NRCAM: variants seen among roughly 807,000 people sequenced by gnomAD.
NRCAM encodes the protein neuronal cell adhesion molecule, also known as NgCAM-related cell adhesion molecule.
A neutral mutation model predicts 156.5 loss-of-function variants in NRCAM; 83 were observed. The ratio of observed to expected loss-of-function variants is 0.53; its 90% CI spans 0.44 to 0.64. NRCAM has a LOEUF of 0.64. Ranked by LOEUF, NRCAM falls within the 30% of genes least tolerant of loss-of-function variation. The probability of loss-of-function intolerance (pLI) is 0.00; values close to 1 mark genes in which losing one functional copy is unlikely to be tolerated. For synonymous variants in NRCAM, 538 were observed against 563.9 expected, an observed-to-expected ratio of 0.95 and a Z score of 0.65; for missense variants, 1,417 against 1,597.3, an observed-to-expected ratio of 0.89 and a Z score of 1.92.
intron 1 of NRCAM, among the ~76,000 whole-genome samples, chr7:108,440,968 G>A (rs751878871): frequency 6.6e-6 from 1 of 152,124 alleles, no homozygotes; most frequent in South Asian, 2.1e-4. Context: ...CTTCAGGTGC[G>A]ATCTGGACAC....
chr7:108,348,068 C>T (rs150317075), intron 2 of NRCAM, among the ~76,000 whole-genome samples: 148 of 152,274 alleles, frequency 9.7e-4, no homozygotes, highest in Non-Finnish European at 1.5e-3. Context: ...GCCCCAAATA[C>T]GCAGGTAAGA....
intron 2 of NRCAM, among the ~76,000 whole-genome samples, chr7:108,312,953 C>T (rs2098823343): frequency 6.6e-6 from 1 of 152,090 alleles, no homozygotes; most frequent in Admixed American, 6.6e-5. Context: ...GGTGGACATC[C>T]CATTAAAGGA....
At chr7:108,358,705 C>G (rs1331755410) in intron 2 of NRCAM, among the ~76,000 whole-genome samples, 1 of 152,150 alleles carries the variant, frequency 6.6e-6, no homozygotes, top group African/African-American at 2.4e-5. Context: ...GCCCTGAACA[C>G]TGTAAGTCAC....
At position 108,273,312 on chromosome 7, in the gene NRCAM, G is replaced by C. The variant is rs144082985; in HGVS notation, c.-106-33142C>G. Among the ~76,000 whole-genome samples, 1,465 of 152,250 alleles carry C rather than the reference G, an allele frequency of 9.6e-3. 26 individuals are homozygous for C. Among genetic ancestry groups the C allele is most frequent in the African/African-American group, 0.033 (1,374 of 41,538 alleles). On this transcript the variant is annotated intron_variant, in intron 3 of 32. Coordinates refer to ENST00000379028, the MANE Select transcript of NRCAM (RefSeq NM_001037132.4). ...GGTATTTCTAGTTCTAGATCCTTGA[G>C]GAATCGCCACACTGTCTTCCACAAT... is the stretch of plus-strand genomic sequence containing the variant.
At chr7:108,407,773 T>G (rs1038892367) in intron 1 of NRCAM, among the ~76,000 whole-genome samples, 1 of 152,234 alleles carries the variant, frequency 6.6e-6, no homozygotes, top group African/African-American at 2.4e-5. Context: ...ATGTTTACTA[T>G]CTTGATTGTG....
chr7:108,171,495 G>A (rs2058407396), intron 28 of NRCAM, among the ~76,000 whole-genome samples: 2 of 152,184 alleles, frequency 1.3e-5, no homozygotes, highest in South Asian at 2.1e-4. Flanking sequence ...CAAACGCCAT[G>A]TGCTTATGAC....
At chr7:108,219,088 C>T (rs2091052907) in intron 11 of NRCAM, among the ~76,000 whole-genome samples, 1 of 152,118 alleles carries the variant, frequency 6.6e-6, no homozygotes, top group Non-Finnish European at 1.5e-5. Flanking sequence ...CACCCTTACA[C>T]ACATAAACTA....
chr7:108,387,727 C>T (rs1300929138), intron 2 of NRCAM, among the ~76,000 whole-genome samples: 1 of 141,452 alleles, frequency 7.1e-6, no homozygotes, highest in Non-Finnish European at 1.5e-5. Flanking sequence ...CCCCACCCCA[C>T]AACAGGGTGT....
chr7:108,338,706 T>A (rs1431123687), intron 2 of NRCAM, among the ~76,000 whole-genome samples: 2 of 151,500 alleles, frequency 1.3e-5, no homozygotes, highest in African/African-American at 2.4e-5. Context: ...AAAGAAATAG[T>A]AGAAAAAAAA....
chr7:108,420,998 A>G (rs911790004), intron 1 of NRCAM, among the ~76,000 whole-genome samples: 1 of 152,192 alleles, frequency 6.6e-6, no homozygotes. Context: ...AGGTTAATAA[A>G]AACCACAACT....
At position 108,155,143 on chromosome 7, in the gene NRCAM, CAT is replaced by C. The variant is rs200736358; in HGVS notation, c.3677+4318_3677+4319del. Among the ~76,000 whole-genome samples, 571 of 104,864 alleles carry C rather than the reference CAT, an allele frequency of 5.4e-3. 5 individuals carry two copies. Among genetic ancestry groups the C allele is most frequent in the African/African-American group, 0.017 (375 of 21,648 alleles). 68.8% of individuals were successfully genotyped at this position (104,864 alleles called of 152,430 possible). On this transcript the variant is annotated intron_variant, in intron 32 of 32. Coordinates refer to ENST00000379028, the MANE Select transcript of NRCAM (RefSeq NM_001037132.4). The stretch of plus-strand genomic sequence containing the variant: ...ACACACACACACACACACACACACA[CAT>C]ATAGCAGACCTTGATTTTAATCAAG...
At chr7:108,159,398 G>C in intron 32 of NRCAM, 65 bp downstream of exon 32, 1 of 1,393,700 alleles carries the variant, frequency 7.2e-7, no homozygotes, top group South Asian at 1.2e-5. Context: ...TTCTGGCTGA[G>C]TTCTATTCTC....
chr7:108,244,399 A>G (rs2095764245), intron 3 of NRCAM, among the ~76,000 whole-genome samples: 1 of 152,102 alleles, frequency 6.6e-6, no homozygotes, highest in African/African-American at 2.4e-5. Flanking sequence ...TGTGAAAGAC[A>G]TTTTTCAGCA....
At chr7:108,357,867 A>AG (rs1245094370) in intron 2 of NRCAM, among the ~76,000 whole-genome samples, 6 of 152,048 alleles carry the variant, frequency 3.9e-5, no homozygotes, top group Non-Finnish European at 8.8e-5. Flanking sequence ...CTATTTGGAG[A>AG]GGGAAAGAAT....
At chr7:108,378,676 C>CAG (rs1384055413) in intron 2 of NRCAM, among the ~76,000 whole-genome samples, 3,226 of 132,572 alleles carry the variant, frequency 0.024, 175 homozygotes, top group African/African-American at 0.082. Flanking sequence ...CACACACACA[C>CAG]ACACACACAC....
intron 3 of NRCAM, among the ~76,000 whole-genome samples, chr7:108,253,909 T>A (rs1483707006): frequency 6.6e-6 from 1 of 152,096 alleles, no homozygotes; most frequent in Non-Finnish European, 1.5e-5. Context: ...ATGACAACAA[T>A]ATACTCAGCC....
At chr7:108,453,994 C>G (rs893861446) in intron 1 of NRCAM, among the ~76,000 whole-genome samples, 1 of 152,048 alleles carries the variant, frequency 6.6e-6, no homozygotes, top group Non-Finnish European at 1.5e-5. Flanking sequence ...GGCTGGGGAC[C>G]TTTTCTTTAA....
At chr7:108,268,636 T>TGGGGGGGGGGGGGGGGG (rs1300340254) in intron 3 of NRCAM, among the ~76,000 whole-genome samples, 1 of 8,492 alleles carries the variant, frequency 1.2e-4, no homozygotes, top group Admixed American at 1.4e-3. Context: ...GGGGGGGGGT[T>TGGGGGGGGGGGGGGGGG]GGGGGGGGCG....
At chr7:108,243,308 A>G (rs1161912669) in intron 3 of NRCAM, 1 of 152,260 alleles carries the variant, frequency 6.6e-6, no homozygotes, top group Non-Finnish European at 1.5e-5. Flanking sequence ...TTAAGTCCCC[A>G]GCACTCAATC....
Sources: gnomAD v4.1 joint callset for allele counts (sites outside exome capture counted in the v4.1 genomes callset) on GRCh38, gnomAD v4.1.1 for gene constraint, MANE v1.5 for transcripts, NCBI Gene and HGNC (gene_info 2026-07-23, HGNC 2026-07-21) for gene names.